The following NELL1 variants were observed in gnomAD, a reference collection of about 807,000 sequenced individuals.
NELL1 encodes the protein neural EGFL like 1, also known as protein kinase C-binding protein NELL1.
A neutral mutation model predicts 107.4 loss-of-function variants in NELL1; 76 were observed. The observed-to-expected ratio is 0.71, with a 90% confidence interval of 0.59 to 0.86. The LOEUF is 0.86. Among genes scored for constraint, NELL1 ranks in the 40% least tolerant of loss-of-function variants. NELL1 has a pLI of 0.00. For missense variants in NELL1, 1,024 were observed against 1,005.5 expected, an observed-to-expected ratio of 1.02 and a Z score of -0.25; for synonymous variants, 353 against 341.2, an observed-to-expected ratio of 1.03 and a Z score of -0.38.
At chr11:21,339,904 A>G (rs1332518708) in intron 14 of NELL1, among the ~76,000 whole-genome samples, 4 of 152,158 alleles carry the variant, frequency 2.6e-5, no homozygotes, top group South Asian at 2.1e-4. Flanking sequence ...GCTAACATCA[A>G]CTGGAGTTGC....
At chr11:21,327,295 T>G (rs545687366) in intron 14 of NELL1, among the ~76,000 whole-genome samples, 136 of 151,724 alleles carry the variant, frequency 9.0e-4, no homozygotes, top group Non-Finnish European at 1.7e-3. Context: ...TGTATACATA[T>G]GTAACTAACC....
chr11:20,970,643 A>G (rs1278438768), intron 12 of NELL1, among the ~76,000 whole-genome samples: 1 of 152,204 alleles, frequency 6.6e-6, no homozygotes, highest in Non-Finnish European at 1.5e-5. Flanking sequence ...CAGGAAGGCC[A>G]TTCTCAGTAG....
At chr11:21,487,965 A>G (rs981085116) in intron 15 of NELL1, among the ~76,000 whole-genome samples, 1 of 152,212 alleles carries the variant, frequency 6.6e-6, no homozygotes, top group Non-Finnish European at 1.5e-5. Flanking sequence ...AAAAGAATCA[A>G]TGCAAAAATA....
chr11:21,290,359 A>C (rs1849222459), intron 14 of NELL1, among the ~76,000 whole-genome samples: 1 of 151,450 alleles, frequency 6.6e-6, no homozygotes, highest in Non-Finnish European at 1.5e-5. Flanking sequence ...ACAGAGCAAG[A>C]CGCCATCTCA....
At chr11:21,370,212 C>A (rs1431944199) in intron 14 of NELL1, among the ~76,000 whole-genome samples, 21 of 151,968 alleles carry the variant, frequency 1.4e-4, no homozygotes, top group Admixed American at 1.4e-3. Flanking sequence ...ATCAAGAAAA[C>A]CTAAAAATCC....
intron 14 of NELL1, among the ~76,000 whole-genome samples, chr11:21,299,972 A>G (rs959289865): frequency 6.6e-6 from 1 of 152,070 alleles, no homozygotes. Flanking sequence ...TAAGTAATAA[A>G]CAGGACAGAA....
At chr11:21,275,010 A>G (rs1848822999) in intron 14 of NELL1, among the ~76,000 whole-genome samples, 1 of 152,214 alleles carries the variant, frequency 6.6e-6, no homozygotes, top group African/African-American at 2.4e-5. Context: ...AAGAGCGAAC[A>G]CATTCAAAAG....
rs113680679 is a variant in NELL1, at chr11:21,469,407, C to A, written c.1646-64967C>A. Among the ~76,000 whole-genome samples, 115 of 152,100 alleles carry A rather than the reference C, an allele frequency of 7.6e-4. 1 individual carries two copies. Among genetic ancestry groups the A allele is most frequent in the African/African-American group, 2.6e-3 (110 of 41,520 alleles). On this transcript the variant is annotated intron_variant, in intron 15 of 19. Coordinates refer to ENST00000357134, the MANE Select transcript of NELL1 (RefSeq NM_006157.5). The stretch of plus-strand genomic sequence containing the variant: ...CCCATCCCCACCTAAACAGAAAGTT[C>A]TATAGCCTCAGTGGAAAATTGCTCT...
In NELL1 at chr11:21,570,777, T is replaced by G; in HGVS notation, c.1994T>G (p.Phe665Cys). ...SVCSCKDGKI[F>C]CRRTACDCQN... Reference sequence around the variant, plus strand: ...ATTTCTAAACAGGATGGCAAGATATTCTGCCGACGGACAGCTTGTGATTGC... The same window carrying G: ...ATTTCTAAACAGGATGGCAAGATATGCTGCCGACGGACAGCTTGTGATTGC... Residue 665 changes from phenylalanine (F) to cysteine (C), a missense_variant, in exon 18 of 20, where the codon TTC (phenylalanine) becomes TGC (cysteine). Phe to Cys is a radical substitution (Grantham distance 205). Transcript: ENST00000357134. The G allele has an allele frequency of 1.2e-6, 2 of 1,611,360 alleles. No homozygotes were observed. Among genetic ancestry groups the G allele is most frequent in the Non-Finnish European group, 1.7e-6 (2 of 1,178,392 alleles).
chr11:20,783,875 G>A (rs1487940106), intron 3 of NELL1, 45 bp downstream of exon 3: 11 of 1,535,446 alleles, frequency 7.2e-6, no homozygotes, highest in Non-Finnish European at 8.8e-6. Flanking sequence ...TAGAGTTAAT[G>A]GGTTATACAA....
intron 13 of NELL1, among the ~76,000 whole-genome samples, chr11:21,120,071 G>A (rs1855330189): frequency 6.6e-6 from 1 of 152,026 alleles, no homozygotes; most frequent in South Asian, 2.1e-4. Context: ...CTATTACCTT[G>A]CTAAAAGGAT....
chr11:20,740,486 A>G (rs559991289), intron 2 of NELL1, among the ~76,000 whole-genome samples: 89 of 152,270 alleles, frequency 5.8e-4, no homozygotes, highest in Non-Finnish European at 1.1e-3. Context: ...TCAGCCTTGT[A>G]ATACCATTGA....
intron 14 of NELL1, among the ~76,000 whole-genome samples, chr11:21,358,073 T>C (rs1370846797): frequency 6.6e-6 from 1 of 152,182 alleles, no homozygotes; most frequent in Non-Finnish European, 1.5e-5. Flanking sequence ...TGAAGTTGGG[T>C]AGTGTGATGC....
chr11:21,472,677 AT>A (rs1209176036), intron 15 of NELL1, among the ~76,000 whole-genome samples: 4 of 151,756 alleles, frequency 2.6e-5, no homozygotes, highest in Non-Finnish European at 5.9e-5. Context: ...CTACATACTT[AT>A]TTTTTTCTTT....
chr11:21,168,532 T>G (rs1171264139), intron 13 of NELL1, among the ~76,000 whole-genome samples: 1 of 151,828 alleles, frequency 6.6e-6, no homozygotes. Context: ...TATCTAATAC[T>G]TCCTCACCAT....
intron 15 of NELL1, among the ~76,000 whole-genome samples, chr11:21,515,616 C>G (rs889493274): frequency 6.6e-6 from 1 of 152,100 alleles, no homozygotes; most frequent in Non-Finnish European, 1.5e-5. Flanking sequence ...CCTTAAAGTG[C>G]CTAATTCACT....
chr11:21,445,301 TG>T (rs1419930053), intron 15 of NELL1, among the ~76,000 whole-genome samples: 13 of 151,652 alleles, frequency 8.6e-5, no homozygotes, highest in Non-Finnish European at 1.6e-4. Flanking sequence ...TTTTGTTTTT[TG>T]TTTTTGTTCT....
chr11:20,714,324 C>CA, intron 2 of NELL1, among the ~76,000 whole-genome samples: 1 of 150,898 alleles, frequency 6.6e-6, no homozygotes, highest in South Asian at 2.1e-4. Flanking sequence ...CTGCCTCAGC[C>CA]TCCTGAGTAG....
chr11:21,471,358 C>T (rs1854175969), intron 15 of NELL1, among the ~76,000 whole-genome samples: 1 of 152,002 alleles, frequency 6.6e-6, no homozygotes, highest in Non-Finnish European at 1.5e-5. Context: ...CTGTCTTGAC[C>T]ACTAGAACAT....
Sources: gnomAD v4.1 joint callset for allele counts (sites outside exome capture counted in the v4.1 genomes callset) on GRCh38, gnomAD v4.1.1 for gene constraint, MANE v1.5 for transcripts, NCBI Gene and HGNC (gene_info 2026-07-23, HGNC 2026-07-21) for gene names.